The following UBA6 variants were observed in gnomAD, a reference collection of about 807,000 sequenced individuals.
UBA6 encodes the protein ubiquitin like modifier activating enzyme 6, also known as ubiquitin-like modifier-activating enzyme 6.
In UBA6, 87 loss-of-function variants were observed where a neutral mutation model predicts 148.3. The observed-to-expected ratio is 0.59, with a 90% confidence interval of 0.49 to 0.70. UBA6 has a LOEUF of 0.70. Ranked by LOEUF, UBA6 falls within the 30% of genes least tolerant of loss-of-function variation. The pLI, the probability that UBA6 is intolerant of heterozygous loss-of-function variation, is 0.00. For missense variants in UBA6, 1,186 were observed against 1,241.2 expected (o/e 0.96, Z 0.67); for synonymous variants, 376 against 401.0 (o/e 0.94, Z 0.75).
chr4:67,700,840 G>T (rs1054310940), intron 1 of UBA6, among the ~76,000 whole-genome samples: 3 of 152,162 alleles, frequency 2.0e-5, no homozygotes, highest in African/African-American at 7.2e-5. Context: ...TGCGGAAAGG[G>T]GACTTTTCCC....
chr4:67,681,144 G>C lies in UBA6; in HGVS notation c.258+419C>G, dbSNP rs930852478. Among the ~76,000 whole-genome samples, 6 of 152,254 alleles carry C rather than the reference G, an allele frequency of 3.9e-5. No homozygotes were observed. The South Asian group carries it at 1.2e-3, about 32-fold the overall frequency. On this transcript the variant is annotated intron_variant, in intron 4 of 32. Coordinates refer to ENST00000322244, the MANE Select transcript of UBA6 (RefSeq NM_018227.6). ...AAATTTTGGGGTAAACTGTTTTATAGCAACATGTAAACTAATACAATGGTA... is the reference window on the plus strand; with the variant it reads ...AAATTTTGGGGTAAACTGTTTTATACCAACATGTAAACTAATACAATGGTA...
intron 8 of UBA6, among the ~76,000 whole-genome samples, chr4:67,670,093 C>A (rs62303092): frequency 0.062 from 9,496 of 152,122 alleles, 340 homozygotes; most frequent in Middle Eastern, 0.071. Context: ...GGACCACACA[C>A]CACCAGGCCC....
intron 16 of UBA6, 59 bp downstream of exon 16, chr4:67,645,879 A>G: frequency 1.8e-6 from 2 of 1,081,608 alleles, no homozygotes; most frequent in Non-Finnish European, 2.7e-6. Context: ...GTTTTAATGA[A>G]TTAAGTTGAT....
chr4:67,619,869 C>T (rs897671482), intron 32 of UBA6, among the ~76,000 whole-genome samples: 1 of 152,186 alleles, frequency 6.6e-6, no homozygotes, highest in African/African-American at 2.4e-5. Context: ...ACACCCCTTA[C>T]ATCATTGTAT....
In UBA6 at chr4:67,644,816, A is replaced by T. The variant is rs546425919; in HGVS notation, c.1396-38T>A. On this transcript the variant is annotated intron_variant, in intron 16 of 32. Transcript: ENST00000322244. Reference sequence around the variant, plus strand: ...AAAATGGTATATATCAGATTAAAATAACCTATCTGTGAATCATTTTACTTT... The same window carrying T: ...AAAATGGTATATATCAGATTAAAATTACCTATCTGTGAATCATTTTACTTT... 9 of 1,023,192 alleles carry T rather than the reference A, an allele frequency of 8.8e-6. No individual in the cohort carries two copies. In the South Asian group the frequency reaches 1.3e-4, roughly 15 times the overall value. The allele number at this position is 1,023,192 out of a possible 1,614,324, so 63.4% of individuals were successfully genotyped here.
chr4:67,630,170 A>G (rs774876901), intron 26 of UBA6, among the ~76,000 whole-genome samples: 4 of 152,154 alleles, frequency 2.6e-5, no homozygotes, highest in Admixed American at 1.3e-4. Flanking sequence ...AATAACTAGG[A>G]TAACTGAAGC....
chr4:67,689,899 A>G (rs1430378724), intron 2 of UBA6, among the ~76,000 whole-genome samples: 1 of 152,136 alleles, frequency 6.6e-6, no homozygotes, highest in Non-Finnish European at 1.5e-5. Flanking sequence ...ACAGTCTACG[A>G]CTTAGAAAAG....
At chr4:67,621,058 G>T (rs1384901564) in intron 32 of UBA6, among the ~76,000 whole-genome samples, 2 of 152,080 alleles carry the variant, frequency 1.3e-5, no homozygotes. Flanking sequence ...AATCTTAAAA[G>T]CATTTTTAAA....
chr4:67,653,592 A>T (rs1350542182), intron 13 of UBA6, among the ~76,000 whole-genome samples: 2 of 152,230 alleles, frequency 1.3e-5, no homozygotes, highest in African/African-American at 4.8e-5. Flanking sequence ...CCAGAGCAGA[A>T]AAGCCAAAAA....
chr4:67,648,514 A>ATT (rs1729476879), intron 14 of UBA6, among the ~76,000 whole-genome samples: 1 of 151,958 alleles, frequency 6.6e-6, no homozygotes, highest in Non-Finnish European at 1.5e-5. Context: ...TATATTCAAA[A>ATT]TGTTTATGGT....
intron 14 of UBA6, among the ~76,000 whole-genome samples, chr4:67,648,204 C>G (rs1387421891): frequency 6.6e-6 from 1 of 151,736 alleles, no homozygotes; most frequent in African/African-American, 2.4e-5. Flanking sequence ...CGCAGTGGCT[C>G]ACGCCTGTAA....
intron 2 of UBA6, among the ~76,000 whole-genome samples, chr4:67,686,018 C>T (rs11947046): frequency 0.23 from 34,928 of 152,064 alleles, 4,168 homozygotes; most frequent in Middle Eastern, 0.3. Flanking sequence ...ATAATGTTAA[C>T]AGGTAGTAAA....
chr4:67,619,226 T>A, intron 32 of UBA6, 94 bp from the exon 33 acceptor site: 1 of 875,242 alleles, frequency 1.1e-6, no homozygotes, highest in Non-Finnish European at 1.8e-6. Context: ...CCTGGACTTG[T>A]ATCTAGACTT....
At chr4:67,685,438 G>A (rs974930748) in intron 2 of UBA6, among the ~76,000 whole-genome samples, 1 of 152,120 alleles carries the variant, frequency 6.6e-6, no homozygotes, top group African/African-American at 2.4e-5. Context: ...TTTTGCCTCA[G>A]GATGAATCAT....
chr4:67,639,091 G>C lies in UBA6; in HGVS notation c.1588C>G (p.Leu530Val), dbSNP rs754893435. 5.6e-6 allele frequency: 9 copies of C among 1,613,200 alleles called. No homozygotes were observed. Among genetic ancestry groups the C allele is most frequent in the Non-Finnish European group, 7.6e-6 (9 of 1,179,752 alleles). The change falls in exon 19 of 33, where the codon CTG becomes GTG. Residue 530 changes from leucine to valine, a missense_variant. By Grantham distance (32) the Leu-to-Val change is conservative. Transcript: ENST00000322244. ...ATCTTTATTTGAGAATTTATTTTCAGAGTAGCATCAGCAGCAGTGTAGCTT... is the reference window on the plus strand; with the variant it reads ...ATCTTTATTTGAGAATTTATTTTCACAGTAGCATCAGCAGCAGTGTAGCTT... ...PKSYTAADAT[L>V]KINSQIKIDA...
At chr4:67,693,596 T>C (rs956962244) in intron 2 of UBA6, among the ~76,000 whole-genome samples, 2 of 152,348 alleles carry the variant, frequency 1.3e-5, no homozygotes, top group South Asian at 4.1e-4. Context: ...GTTCATGTTA[T>C]GTGTTTTTAC....
At chr4:67,682,078 G>A (rs765816051) in intron 3 of UBA6, 41 bp downstream of exon 3, 1 of 1,423,944 alleles carries the variant, frequency 7.0e-7, no homozygotes, top group Non-Finnish European at 9.8e-7. Flanking sequence ...TATCTTCATT[G>A]CTCAAAAGTG....
intron 13 of UBA6, among the ~76,000 whole-genome samples, chr4:67,653,174 G>T (rs1694160201): frequency 6.6e-6 from 1 of 152,170 alleles, no homozygotes; most frequent in South Asian, 2.1e-4. Flanking sequence ...AGAGAGCAGT[G>T]GTTCTCATAG....
chr4:67,645,469 C>T (rs1056335173), intron 16 of UBA6, among the ~76,000 whole-genome samples: 4 of 151,966 alleles, frequency 2.6e-5, no homozygotes, highest in Admixed American at 2.6e-4. Context: ...CGTGGTGGCA[C>T]GCCCCTGTAG....
Sources: gnomAD v4.1 joint callset for allele counts (sites outside exome capture counted in the v4.1 genomes callset) on GRCh38, gnomAD v4.1.1 for gene constraint, MANE v1.5 for transcripts, NCBI Gene and HGNC (gene_info 2026-07-23, HGNC 2026-07-21) for gene names.